CD8B: variants seen among roughly 807,000 people sequenced by gnomAD.
CD8B encodes the protein CD8 subunit beta.
Under a neutral mutation model 24.2 loss-of-function variants are expected in CD8B, and 6 were observed. That is an observed-to-expected ratio of 0.25 (90% CI 0.14 to 0.49). CD8B has a LOEUF of 0.49. Among genes scored for constraint, CD8B ranks in the 20% least tolerant of loss-of-function variants. CD8B has a pLI of 0.98. For missense variants in CD8B, 196 were observed against 271.3 expected (o/e 0.72, Z 1.95); for synonymous variants, 84 against 108.3 (o/e 0.78, Z 1.39).
intron 1 of CD8B, 83 bp downstream of exon 1, chr2:86,861,740 A>G (rs1242843421): frequency 2.5e-5 from 27 of 1,071,846 alleles, no homozygotes; most frequent in Non-Finnish European, 1.2e-6. Flanking sequence ...TGCCAGGACC[A>G]GGGCCAGGAC....
At chr2:86,816,211 C>G (rs188737016) in intron 5 of CD8B, among the ~76,000 whole-genome samples, 10 of 152,264 alleles carry the variant, frequency 6.6e-5, no homozygotes, top group African/African-American at 2.2e-4. Context: ...AAAAATTTCT[C>G]TCAGGAGAGT....
In CD8B at chr2:86,839,878, C is replaced by G. The variant is rs1005900809; in HGVS notation, c.*2429G>C. 2.0e-5 allele frequency among the ~76,000 whole-genome samples: 3 copies of G among 152,130 alleles called. No homozygotes were observed. The highest frequency in any genetic ancestry group is 1.3e-4 in the Admixed American group (2 of 15,270). ...TAATCTCTTATTTGTTTGTGATGGG[C>G]CGGGTGAGGGGCCCACCTGAAACAC... On this transcript the variant is annotated 3_prime_UTR_variant, in exon 6 of 6. Transcript: ENST00000390655.
intron 2 of CD8B, among the ~76,000 whole-genome samples, chr2:86,856,032 T>A (rs936211545): frequency 2.6e-5 from 4 of 152,210 alleles, no homozygotes; most frequent in South Asian, 2.1e-4. Context: ...GCCCTGTCTT[T>A]CCCCAAACAC....
rs1676063807 is a variant in CD8B, at chr2:86,853,220, T to A, written c.404-134A>T. 2.1e-6 allele frequency: 3 copies of A among 1,421,546 alleles called. No homozygotes were observed. In the South Asian group the frequency reaches 4.0e-5, roughly 19 times the overall value. 88.1% of individuals were successfully genotyped at this position (1,421,546 alleles called of 1,614,324 possible). A position where few individuals can be genotyped will look rare whatever the true frequency, so the allele number is the denominator to read the frequency against. On this transcript the variant is annotated intron_variant, in intron 2 of 5. Coordinates refer to ENST00000390655, the MANE Select transcript of CD8B (RefSeq NM_004931.5). ...CACTTCCGGAGGCCAAGGCAGGAGA[T>A]CATTTGAGCTCAGGAGGTTGAGACC...
chr2:86,842,307 T>C lies in CD8B; in HGVS notation c.633A>G (p.Ter211TrpextTer24). The change falls in exon 6 of 6, where the codon TGA (stop) becomes TGG (tryptophan). Residue 211 changes from the stop codon to tryptophan (W), a stop_lost. Transcript: ENST00000390655. ...AGGACACCAAAACCGTATTCTCTGC[T>C]CATTTGTAAAATCTGAAAACAACAG... The part of the protein sequence containing the change: ...RLRFMKQFYK[*>W] 2.5e-6 allele frequency: 4 copies of C among 1,590,942 alleles called. No individual in the cohort carries two copies. The highest frequency in any genetic ancestry group is 3.4e-6 in the Non-Finnish European group (4 of 1,170,376).
intron 2 of CD8B, among the ~76,000 whole-genome samples, 185 bp from the exon 3 acceptor site, chr2:86,853,271 CT>C (rs1456791647): frequency 1.3e-5 from 2 of 151,760 alleles, no homozygotes; most frequent in Non-Finnish European, 2.9e-5. Flanking sequence ...GTGAAACCCC[CT>C]CTCTACAAAA....
chr2:86,821,692 C>A, intron 5 of CD8B: 1 of 427,132 alleles, frequency 2.3e-6, no homozygotes, highest in Non-Finnish European at 4.8e-6. Context: ...CCAAATGGAA[C>A]ATTTTCCTTC....
chr2:86,856,596 T>C (rs1676274509), intron 2 of CD8B, among the ~76,000 whole-genome samples: 1 of 151,832 alleles, frequency 6.6e-6, no homozygotes, highest in Non-Finnish European at 1.5e-5. Flanking sequence ...CTGGGTCCCC[T>C]TGTGGCTTTT....
At position 86,846,768 on chromosome 2, in the gene CD8B, G is replaced by A. The variant is rs1182440187; in HGVS notation, c.499C>T (p.Leu167Phe). The A allele has an allele frequency of 8.3e-6, 13 of 1,574,406 alleles. No homozygotes were observed. Among genetic ancestry groups the A allele is most frequent in the East Asian group, 4.6e-5 (2 of 43,270 alleles). Residue 167 changes from leucine (L) to phenylalanine (F), a missense_variant, in exon 4 of 6, where the codon CTT (leucine) becomes TTT (phenylalanine). By Grantham distance (22) the Leu-to-Phe change is conservative. Transcript: ENST00000390655. ...AGGCCAAGGGTGATGGGGCTACAAAGTGGGCCTGGAAAACACACATGTGAC... is the reference window on the plus strand; with the variant it reads ...AGGCCAAGGGTGATGGGGCTACAAAATGGGCCTGGAAAACACACATGTGAC... ...LPRPETQKGP[L>F]CSPITLGLLV...
chr2:86,843,557 C>T (rs1675534117), intron 5 of CD8B: 21 of 982,974 alleles, frequency 2.1e-5, no homozygotes, highest in Non-Finnish European at 2.4e-5. Flanking sequence ...ATGTTTAAGC[C>T]ACTCTCGATA....
chr2:86,842,092 A>G lies in CD8B; in HGVS notation c.*215T>C. On this transcript the variant is annotated 3_prime_UTR_variant, in exon 6 of 6. Transcript: ENST00000390655. ...ACACTCTGTGAAGTGCCCTGGGGGC[A>G]ATGAAACCTTCTCCCTAGTATTCCC... The G allele has an allele frequency of 7.4e-7, 1 of 1,353,862 alleles. No homozygotes were observed. Among genetic ancestry groups the G allele is most frequent in the Non-Finnish European group, 9.5e-7 (1 of 1,049,084 alleles). The allele number at this position is 1,353,862 out of a possible 1,614,324, so 83.9% of individuals were successfully genotyped here. A position where few individuals can be genotyped will look rare whatever the true frequency, so the allele number is the denominator to read the frequency against.
intron 3 of CD8B, among the ~76,000 whole-genome samples, chr2:86,849,705 T>TTC (rs1675879550): frequency 1.4e-5 from 2 of 145,862 alleles, no homozygotes; most frequent in South Asian, 4.3e-4. Context: ...ACTAAGGTGT[T>TTC]TTTTTTTTTT....
Position 86,844,953 on chromosome 2 carries a change from G to T in CD8B, c.589C>A (p.Arg197=), listed in dbSNP as rs751687141. 2 of 1,557,168 alleles carry T rather than the reference G, an allele frequency of 1.3e-6. No individual in the cohort carries two copies. The highest frequency in any genetic ancestry group is 2.4e-5 in the South Asian group (2 of 84,332). ...ATGAAACGAAGCCGGGCTCTCCTCC[G>T]CCGGCCTGGAAGAGGAAAGCAAGGG... The part of the protein sequence containing the change: ...LGVAIHLCCR[R]RRARLRFMKQ... Residue 197 remains arginine, a synonymous_variant, in exon 5 of 6, where the codon CGG becomes AGG. Coordinates refer to ENST00000390655, the MANE Select transcript of CD8B (RefSeq NM_004931.5).
downstream of CD8B, among the ~76,000 whole-genome samples, chr2:86,833,391 G>A (rs998049578): frequency 6.6e-6 from 1 of 151,494 alleles, no homozygotes; most frequent in African/African-American, 2.4e-5. Flanking sequence ...TGTTGGCCAG[G>A]CTGGTCTCAA....
intron 5 of CD8B, among the ~76,000 whole-genome samples, chr2:86,829,464 T>A (rs143997232): frequency 6.6e-6 from 1 of 151,644 alleles, no homozygotes; most frequent in East Asian, 1.9e-4. Context: ...GAAAAAGGAG[T>A]CAGGCTGGGG....
chr2:86,833,742 C>A (rs1675050776), downstream of CD8B, among the ~76,000 whole-genome samples: 1 of 149,752 alleles, frequency 6.7e-6, no homozygotes, highest in African/African-American at 2.5e-5. Flanking sequence ...CCTCAAACTT[C>A]TGGACTAAAG....
At chr2:86,825,732 C>T (rs914414467) in intron 5 of CD8B, among the ~76,000 whole-genome samples, 23 of 152,174 alleles carry the variant, frequency 1.5e-4, no homozygotes, top group African/African-American at 2.7e-4. Flanking sequence ...TGTTGGGACC[C>T]GTTCTTCGCT....
At chr2:86,844,663 G>C (rs1195431607) in intron 5 of CD8B, 1 of 1,443,500 alleles carries the variant, frequency 6.9e-7, no homozygotes, top group Non-Finnish European at 9.3e-7. Flanking sequence ...TTTTTTTTTA[G>C]ATGGAGTCTC....
intron 5 of CD8B, chr2:86,843,679 A>G: frequency 1.0e-6 from 1 of 985,438 alleles, no homozygotes. Flanking sequence ...CTGCACTTGC[A>G]GAGTGGAATT....
Sources: allele counts gnomAD v4.1 joint callset (sites outside exome capture counted in the v4.1 genomes callset), GRCh38; gene constraint gnomAD v4.1.1; transcripts MANE v1.5; gene names NCBI Gene and HGNC (gene_info 2026-07-23, HGNC 2026-07-21).